Variants in TFAM observed in about 807,000 individuals in gnomAD.
The protein encoded by TFAM is mitochondrial transcription factor 1.
Under a neutral mutation model 30.6 loss-of-function variants are expected in TFAM, and 13 were observed. The ratio of observed to expected loss-of-function variants is 0.42; its 90% CI spans 0.28 to 0.67. The LOEUF (loss-of-function observed/expected upper bound fraction) is 0.67, where lower values mean the gene tolerates loss of function less well. TFAM is among the 30% of genes least tolerant of loss of function. TFAM has a pLI of 0.21. For synonymous variants in TFAM, 106 were observed against 94.8 expected (o/e 1.12, Z -0.69); for missense variants, 231 against 293.7 (o/e 0.79, Z 1.56).
rs1309189919 is a variant in TFAM, at chr10:58,385,591, G to A, written c.44G>A (p.Gly15Glu). The change falls in exon 1 of 7, where the codon GGA becomes GAA. Residue 15 changes from glycine to glutamate, a missense_variant. By Grantham distance (98) the Gly-to-Glu change is moderately conservative. Coordinates refer to ENST00000487519, the MANE Select transcript of TFAM (RefSeq NM_003201.3). ...RSMWGVLSAL[G>E]RSGAELCTGC... The stretch of plus-strand genomic sequence containing the variant: ...ATGTGGGGCGTGCTGAGTGCCCTGG[G>A]AAGGTCTGGAGCAGAGCTGTGCACC... 7 of 1,570,950 alleles carry A rather than the reference G, an allele frequency of 4.5e-6. No homozygotes were observed. The highest frequency in any genetic ancestry group is 6.0e-6 in the Non-Finnish European group (7 of 1,157,550).
rs140714664 is a variant in TFAM at position 58,390,483 on chromosome 10, G to T, written c.442-282G>T. Reference sequence around the variant, plus strand: ...TTGTTTTATCTTTTAAAAAGGTTTTGTACATATATATTCAGTTATTTAGTT... The same window carrying T: ...TTGTTTTATCTTTTAAAAAGGTTTTTTACATATATATTCAGTTATTTAGTT... On this transcript the variant is annotated intron_variant, in intron 4 of 6. Transcript: ENST00000487519. Among the ~76,000 whole-genome samples the T allele has an allele frequency of 7.1e-3, 1,082 of 152,216 alleles. 15 individuals are homozygous for T. Among genetic ancestry groups the T allele is most frequent in the African/African-American group, 0.022 (894 of 41,540 alleles).
chr10:58,387,816 G>C (rs552883363), intron 2 of TFAM, among the ~76,000 whole-genome samples: 5 of 152,182 alleles, frequency 3.3e-5, no homozygotes, highest in Admixed American at 3.3e-4. Flanking sequence ...TGTAGTCCCA[G>C]CTACTCGGGA....
At chr10:58,390,575 A>C (rs1239547347) in intron 4 of TFAM, among the ~76,000 whole-genome samples, 190 bp from the exon 5 acceptor site, 1 of 152,240 alleles carries the variant, frequency 6.6e-6, no homozygotes, top group Non-Finnish European at 1.5e-5. Flanking sequence ...GTGAAATCTA[A>C]CATAATTTTC....
In TFAM at chr10:58,385,540, C is replaced by T. The variant is rs767462710; in HGVS notation, c.-8C>T. On this transcript the variant is annotated 5_prime_UTR_variant, in exon 1 of 7. Coordinates refer to ENST00000487519, the MANE Select transcript of TFAM (RefSeq NM_003201.3). ...TGGGGTCGGGTCACTGCCTCATCCACCGGAGCGATGGCGTTTCTCCGAAGC... is the reference window on the plus strand; with the variant it reads ...TGGGGTCGGGTCACTGCCTCATCCATCGGAGCGATGGCGTTTCTCCGAAGC... 1.9e-6 allele frequency: 3 copies of T among 1,557,256 alleles called. No homozygotes were observed. Among genetic ancestry groups the T allele is most frequent in the East Asian group, 2.4e-5 (1 of 41,386 alleles).
rs1344120103 is a variant in TFAM, at chr10:58,396,075, T to G, written c.*1001T>G. On this transcript the variant is annotated 3_prime_UTR_variant, in exon 7 of 7. Transcript: ENST00000487519. ...TTTTAAATGTTTTTTTTTAAAGACT[T>G]TTATGATACTTGAAAATTAACATGA... 6.5e-6 allele frequency: 1 copy of G among 153,632 alleles called. No individual in the cohort carries two copies. Among genetic ancestry groups the G allele is most frequent in the Non-Finnish European group, 1.4e-5 (1 of 69,028 alleles). 9.5% of individuals were successfully genotyped at this position (153,632 alleles called of 1,614,324 possible). A position where few individuals can be genotyped will look rare whatever the true frequency, so the allele number is the denominator to read the frequency against.
rs1302575720 is a variant in TFAM at position 58,396,524 on chromosome 10, T to C, written c.*1450T>C. On this transcript the variant is annotated 3_prime_UTR_variant, in exon 7 of 7. Transcript: ENST00000487519. The stretch of plus-strand genomic sequence containing the variant: ...TCTTTTAAAATTATTTGCTATGGCT[T>C]GGTAAAAATGTACTTTTTCCAGTAG... The C allele has an allele frequency of 6.6e-6, 1 of 152,224 alleles. No individual in the cohort carries two copies. The highest frequency in any genetic ancestry group is 1.5e-5 in the Non-Finnish European group (1 of 68,034). 9.4% of individuals were successfully genotyped at this position (152,224 alleles called of 1,614,324 possible). A position where few individuals can be genotyped will look rare whatever the true frequency, so the allele number is the denominator to read the frequency against.
chr10:58,390,272 T>C lies in TFAM; in HGVS notation c.442-493T>C, dbSNP rs995557874. Among the ~76,000 whole-genome samples, 7 of 152,346 alleles carry C rather than the reference T, an allele frequency of 4.6e-5. No homozygotes were observed. In the South Asian group the frequency reaches 1.2e-3, roughly 27 times the overall value. On this transcript the variant is annotated intron_variant, in intron 4 of 6. Transcript: ENST00000487519. ...GATACTTGTATTCTTTTCCACAGTT[T>C]CTTCCCTTTTGGTAACTAGTAAAAT... is the stretch of plus-strand genomic sequence containing the variant.
At chr10:58,388,011 A>T (rs189223626) in intron 2 of TFAM, among the ~76,000 whole-genome samples, 179 bp from the exon 3 acceptor site, 36 of 152,236 alleles carry the variant, frequency 2.4e-4, no homozygotes, top group African/African-American at 8.2e-4. Context: ...TAGTTGTTAG[A>T]TAATAGACTT....
At chr10:58,394,583 T>C (rs1412986293) in intron 6 of TFAM, 169 bp downstream of exon 6, 5 of 762,806 alleles carry the variant, frequency 6.6e-6, no homozygotes, top group Non-Finnish European at 9.3e-6. Flanking sequence ...CTCTTGGTAG[T>C]TTTTGTCTGC....
chr10:58,385,651 A>G lies in TFAM; in HGVS notation c.101+3A>G, dbSNP rs1423378450. 1 of 1,553,184 alleles carries G rather than the reference A, an allele frequency of 6.4e-7. No homozygotes were observed. ...AGTCGACTGCGCTCCCCCTTCAGGT[A>G]GGCCCGCTTGCCTGTGCCCTAGGGG... On this transcript the variant is annotated splice_donor_region_variant and intron_variant, in intron 1 of 6. Transcript: ENST00000487519.
intron 2 of TFAM, among the ~76,000 whole-genome samples, chr10:58,387,239 G>A (rs1840507542): frequency 2.0e-5 from 3 of 152,006 alleles, no homozygotes; most frequent in African/African-American, 7.3e-5. Flanking sequence ...CTCCAGCCTG[G>A]GTGACAGAGC....
chr10:58,395,387 G>A lies in TFAM; in HGVS notation c.*313G>A, dbSNP rs1314579095. The stretch of plus-strand genomic sequence containing the variant: ...TTTTTTTATACAGGATGATGACTAT[G>A]GAAAGAGTACTCTTGTTTCCTTATA... On this transcript the variant is annotated 3_prime_UTR_variant, in exon 7 of 7. Transcript: ENST00000487519. 3 of 349,096 alleles carry A rather than the reference G, an allele frequency of 8.6e-6. No individual in the cohort carries two copies. The highest frequency in any genetic ancestry group is 1.6e-5 in the Non-Finnish European group (3 of 188,192). 21.6% of individuals were successfully genotyped at this position (349,096 alleles called of 1,614,324 possible). A position where few individuals can be genotyped will look rare whatever the true frequency, so the allele number is the denominator to read the frequency against.
rs151097728 is a variant in TFAM at position 58,388,676 on chromosome 10, C to G, written c.298C>G (p.Gln100Glu). 484 of 1,613,314 alleles carry G rather than the reference C, an allele frequency of 3.0e-4. 2 individuals carry two copies. The highest frequency in any genetic ancestry group is 4.5e-4 in the Admixed American group (27 of 59,996). The change falls in exon 4 of 7, where the codon CAA (glutamine) becomes GAA (glutamate). Residue 100 changes from glutamine (Q) to glutamate (E), a missense_variant. By Grantham distance (29) the Gln-to-Glu change is conservative. Coordinates refer to ENST00000487519, the MANE Select transcript of TFAM (RefSeq NM_003201.3). Reference protein sequence around the residue: ...ELPDSKKKIYQDAYRAEWQVY... With the variant: ...ELPDSKKKIYEDAYRAEWQVY... ...TTGGGTTTTTTATTTATAGATATAT[C>G]AAGATGCTTATAGGGCGGAGTGGCA...
At chr10:58,389,382 A>T (rs896372419) in intron 4 of TFAM, among the ~76,000 whole-genome samples, 4 of 152,180 alleles carry the variant, frequency 2.6e-5, no homozygotes, top group Admixed American at 6.5e-5. Flanking sequence ...AATTCACATA[A>T]ATGTCATCAT....
Position 58,385,503 on chromosome 10 carries a change from G to A in TFAM, c.-45G>A. 1 of 1,445,504 alleles carries A rather than the reference G, an allele frequency of 6.9e-7. No individual in the cohort carries two copies. The highest frequency in any genetic ancestry group is 9.5e-7 in the Non-Finnish European group (1 of 1,049,938). The allele number at this position is 1,445,504 out of a possible 1,614,324, so 89.5% of individuals were successfully genotyped here. ...TGCTGGAGTTGTGTATTGCCAGGAG[G>A]CTCTCCGAGATTGGGGTCGGGTCAC... On this transcript the variant is annotated 5_prime_UTR_variant, in exon 1 of 7. Transcript: ENST00000487519.
intron 5 of TFAM, 137 bp from the exon 6 acceptor site, chr10:58,394,218 TTTG>T: frequency 1.4e-6 from 1 of 699,578 alleles, no homozygotes; most frequent in Non-Finnish European, 2.6e-6. Flanking sequence ...TTTGATAGTT[TTTG>T]TTTAGAGAGA....
Position 58,397,175 on chromosome 10 carries a change from A to G in TFAM, c.*2101A>G, listed in dbSNP as rs528286133. 52 of 151,058 alleles carry G rather than the reference A, an allele frequency of 3.4e-4. 1 individual carries two copies. The highest frequency in any genetic ancestry group is 1.2e-3 in the African/African-American group (50 of 40,378). The allele number at this position is 151,058 out of a possible 1,614,324, so 9.4% of individuals were successfully genotyped here. ...AATTCTGTTCTCTTCAGATGAGCTC[A>G]GAGAGCACATAGGAGTGTTTGTAAT... On this transcript the variant is annotated 3_prime_UTR_variant, in exon 7 of 7. Coordinates refer to ENST00000487519, the MANE Select transcript of TFAM (RefSeq NM_003201.3).
chr10:58,394,475 AG>A, intron 6 of TFAM, 61 bp downstream of exon 6: 1 of 1,369,542 alleles, frequency 7.3e-7, no homozygotes, highest in Non-Finnish European at 1.0e-6. Flanking sequence ...AGAATGTATT[AG>A]GGCAAGGCTT....
At chr10:58,392,439 C>A (rs1463237578) in intron 5 of TFAM, among the ~76,000 whole-genome samples, 4 of 37,862 alleles carry the variant, frequency 1.1e-4, no homozygotes, top group African/African-American at 4.4e-4. Context: ...TATGCATCTT[C>A]TGAGCTGGTC....
Sources: allele counts gnomAD v4.1 joint callset (sites outside exome capture counted in the v4.1 genomes callset), GRCh38; gene constraint gnomAD v4.1.1; transcripts MANE v1.5; gene names NCBI Gene and HGNC (gene_info 2026-07-23, HGNC 2026-07-21).